The following MECOM variants were observed in gnomAD, a reference collection of about 807,000 sequenced individuals.
The protein encoded by MECOM is histone-lysine N-methyltransferase MECOM.
A neutral mutation model predicts 116.3 loss-of-function variants in MECOM; 13 were observed. The observed-to-expected ratio is 0.11, with a 90% CI of 0.07 to 0.18. The LOEUF is 0.18. Ranked by LOEUF, MECOM falls within the 10% of genes least tolerant of loss-of-function variation. MECOM has a pLI of 1.00. For missense variants in MECOM, 1,299 were observed against 1,509.0 expected, an observed-to-expected ratio of 0.86 and a Z score of 2.31; for synonymous variants, 528 against 535.2, an observed-to-expected ratio of 0.99 and a Z score of 0.19.
intron 10 of MECOM, among the ~76,000 whole-genome samples, chr3:169,102,891 T>C (rs1312042868): frequency 6.6e-6 from 1 of 152,048 alleles, no homozygotes; most frequent in East Asian, 1.9e-4. Flanking sequence ...GTTCATCATA[T>C]GTTAATATAA....
At chr3:169,440,393 A>G (rs1743412469) in intron 1 of MECOM, among the ~76,000 whole-genome samples, 1 of 152,160 alleles carries the variant, frequency 6.6e-6, no homozygotes, top group African/African-American at 2.4e-5. Flanking sequence ...TGCTGGGGCC[A>G]AGGAAGGTTT....
chr3:169,432,682 CTT>C (rs1268022359), intron 1 of MECOM, among the ~76,000 whole-genome samples: 1 of 152,196 alleles, frequency 6.6e-6, no homozygotes, highest in Non-Finnish European at 1.5e-5. Context: ...TTTCATTCTT[CTT>C]CTTTACTATT....
intron 2 of MECOM, among the ~76,000 whole-genome samples, chr3:169,194,133 A>G (rs977503921): frequency 3.9e-5 from 6 of 152,054 alleles, no homozygotes; most frequent in African/African-American, 1.4e-4. Flanking sequence ...AAGATGAATA[A>G]GCATGATTTG....
chr3:169,471,855 A>G lies in MECOM; in HGVS notation c.38-90331T>C, dbSNP rs75428059. 1.0e-2 allele frequency among the ~76,000 whole-genome samples: 1,520 copies of G among 152,260 alleles called. 29 individuals are homozygous for G. Among genetic ancestry groups the G allele is most frequent in the African/African-American group, 0.035 (1,454 of 41,542 alleles). On this transcript the variant is annotated intron_variant, in intron 1 of 16. Coordinates refer to ENST00000651503, the MANE Select transcript of MECOM (RefSeq NM_004991.4). ...ACTCTATTTAATAGTTTTCCTTACT[A>G]TTCTATTTATGCCCACTTACTTTGA...
At chr3:169,507,122 T>C (rs1290465602) in intron 1 of MECOM, among the ~76,000 whole-genome samples, 1 of 152,218 alleles carries the variant, frequency 6.6e-6, no homozygotes, top group Non-Finnish European at 1.5e-5. Context: ...GTCAACTATC[T>C]ACCCTATACA....
chr3:169,223,892 G>A (rs1752417556), intron 2 of MECOM, among the ~76,000 whole-genome samples: 1 of 152,106 alleles, frequency 6.6e-6, no homozygotes, highest in Admixed American at 6.6e-5. Flanking sequence ...CATGACCTCA[G>A]GTGGAACCTC....
intron 2 of MECOM, among the ~76,000 whole-genome samples, chr3:169,341,953 C>T (rs1724619138): frequency 6.6e-6 from 1 of 151,912 alleles, no homozygotes; most frequent in Non-Finnish European, 1.5e-5. Flanking sequence ...CTCATGTACC[C>T]CATACATATA....
chr3:169,227,723 A>G lies in MECOM; in HGVS notation c.376-83891T>C, dbSNP rs540844194. ...TTGATATAGATGCAGAACTGTGCAA[A>G]TCATGGAATAAAATGCTTGTTTTAA... On this transcript the variant is annotated intron_variant, in intron 2 of 16. Transcript: ENST00000651503. Among the ~76,000 whole-genome samples, 6 of 152,352 alleles carry G rather than the reference A, an allele frequency of 3.9e-5. No homozygotes were observed. The East Asian group carries it at 9.6e-4, about 24-fold the overall frequency.
intron 2 of MECOM, among the ~76,000 whole-genome samples, chr3:169,246,679 G>A (rs1454583157): frequency 6.6e-6 from 1 of 151,932 alleles, no homozygotes; most frequent in African/African-American, 2.4e-5. Flanking sequence ...GTGCCACCAT[G>A]CCCAGCTAAT....
rs888418044 is a variant in MECOM, at chr3:169,083,507, T to A, written c.*1402A>T. On this transcript the variant is annotated 3_prime_UTR_variant, in exon 17 of 17. Coordinates refer to ENST00000651503, the MANE Select transcript of MECOM (RefSeq NM_004991.4). Reference sequence around the variant, plus strand: ...AATACCACACAGTGGGGAAAAATACTCCTTTTTGTAAGTCTTTATTTTTTA... The same window carrying A: ...AATACCACACAGTGGGGAAAAATACACCTTTTTGTAAGTCTTTATTTTTTA... 5.5e-6 allele frequency: 1 copy of A among 180,466 alleles called. No homozygotes were observed. Among genetic ancestry groups the A allele is most frequent in the Non-Finnish European group, 1.2e-5 (1 of 84,060 alleles). 11.2% of individuals were successfully genotyped at this position (180,466 alleles called of 1,614,324 possible). A position where few individuals can be genotyped will look rare whatever the true frequency, so the allele number is the denominator to read the frequency against.
chr3:169,466,690 C>T (rs949488690), intron 1 of MECOM, among the ~76,000 whole-genome samples: 4 of 151,914 alleles, frequency 2.6e-5, no homozygotes, highest in African/African-American at 9.7e-5. Flanking sequence ...TGGCTCTTTC[C>T]TGAAAATGAT....
intron 2 of MECOM, among the ~76,000 whole-genome samples, chr3:169,302,854 ACT>A (rs1374420619): frequency 1.3e-5 from 2 of 151,676 alleles, no homozygotes; most frequent in Admixed American, 6.6e-5. Flanking sequence ...ATAGAGGGAG[ACT>A]CTGTCTCAAA....
At chr3:169,455,511 T>C (rs777848058) in intron 1 of MECOM, among the ~76,000 whole-genome samples, 2 of 152,190 alleles carry the variant, frequency 1.3e-5, no homozygotes, top group African/African-American at 4.8e-5. Flanking sequence ...TACTACTCTC[T>C]GATTGATGGG....
chr3:169,182,499 G>A lies in MECOM; in HGVS notation c.376-38667C>T, dbSNP rs116736674. 4.0e-3 allele frequency among the ~76,000 whole-genome samples: 616 copies of A among 152,306 alleles called. 4 individuals are homozygous for A. Among genetic ancestry groups the A allele is most frequent in the African/African-American group, 0.014 (578 of 41,556 alleles). Reference sequence around the variant, plus strand: ...GCAGCAAAGCAAGTTGTGAGTCTACGTTTACAGGGATGCTATCTAACAACT... The same window carrying A: ...GCAGCAAAGCAAGTTGTGAGTCTACATTTACAGGGATGCTATCTAACAACT... On this transcript the variant is annotated intron_variant, in intron 2 of 16. Transcript: ENST00000651503.
intron 1 of MECOM, among the ~76,000 whole-genome samples, chr3:169,513,474 A>G (rs1756236570): frequency 1.3e-5 from 2 of 152,222 alleles, no homozygotes; most frequent in South Asian, 4.1e-4. Flanking sequence ...AATAGTTTAA[A>G]AAGTTGTGCT....
Position 169,287,232 on chromosome 3 carries a change from A to G in MECOM, c.375+93955T>C, listed in dbSNP as rs145615625. Among the ~76,000 whole-genome samples the G allele has an allele frequency of 3.7e-3, 571 of 152,314 alleles. 5 individuals carry two copies. Among genetic ancestry groups the G allele is most frequent in the African/African-American group, 0.013 (543 of 41,566 alleles). On this transcript the variant is annotated intron_variant, in intron 2 of 16. Transcript: ENST00000651503. ...AGGCCTCCAGGAAACACGGATGGAG[A>G]GGGCCTGAAAGAAAGGCAGAGGACT... is the stretch of plus-strand genomic sequence containing the variant.
chr3:169,428,095 G>A (rs895021872), intron 1 of MECOM, among the ~76,000 whole-genome samples: 8 of 152,020 alleles, frequency 5.3e-5, no homozygotes, highest in Non-Finnish European at 7.4e-5. Flanking sequence ...CAGAAGAATC[G>A]CTTGAACCCG....
At chr3:169,274,754 C>T (rs1022367358) in intron 2 of MECOM, among the ~76,000 whole-genome samples, 2 of 152,170 alleles carry the variant, frequency 1.3e-5, no homozygotes, top group South Asian at 2.1e-4. Flanking sequence ...TCCTCACTCA[C>T]GCTAGTGCTC....
intron 10 of MECOM, among the ~76,000 whole-genome samples, chr3:169,105,109 T>C (rs1724927765): frequency 6.6e-6 from 1 of 152,088 alleles, no homozygotes; most frequent in Non-Finnish European, 1.5e-5. Context: ...ACACAAAACA[T>C]TTTCTGCCCA....
Sources: gnomAD v4.1 joint callset for allele counts (sites outside exome capture counted in the v4.1 genomes callset) on GRCh38, gnomAD v4.1.1 for gene constraint, MANE v1.5 for transcripts, NCBI Gene and HGNC (gene_info 2026-07-23, HGNC 2026-07-21) for gene names.